MAGT1: variants seen among roughly 807,000 people sequenced by gnomAD.
The protein encoded by MAGT1 is dolichyl-diphosphooligosaccharide--protein glycosyltransferase subunit MAGT1.
Under a neutral mutation model 28.4 loss-of-function variants are expected in MAGT1, and 4 were observed. The ratio of observed to expected loss-of-function variants is 0.14; its 90% CI spans 0.07 to 0.32. MAGT1 has a LOEUF of 0.32. MAGT1 is among the 10% of genes least tolerant of loss of function. The pLI, the probability that MAGT1 is intolerant of heterozygous loss-of-function variation, is 1.00. For missense variants in MAGT1, 193 were observed against 264.5 expected (o/e 0.73, Z 1.88); for synonymous variants, 89 against 89.7 (o/e 0.99, Z 0.04).
chrX:77,863,755 C>T (rs1412629638), intron 3 of MAGT1, among the ~76,000 whole-genome samples: 6 of 112,104 alleles, frequency 5.4e-5, no homozygotes, highest in African/African-American at 1.9e-4. Context: ...CAGTGGCTTG[C>T]GCCTGTAATC....
In MAGT1 at chrX:77,836,045, C is replaced by T. The variant is rs60390833; in HGVS notation, c.902-5150G>A. ...CTAGAACTTTCTGACCTCAAATAAT[C>T]TGCCCCACTTGGTCTCCCAAAGTGC... is the stretch of plus-strand genomic sequence containing the variant. On this transcript the variant is annotated intron_variant, in intron 8 of 9. Transcript: ENST00000618282. 0.022 allele frequency among the ~76,000 whole-genome samples: 2,481 copies of T among 111,356 alleles called. 205 individuals carry two copies. The East Asian group carries it at 0.37, about 17-fold the overall frequency.
chrX:77,870,357 C>G (rs2149023546), intron 3 of MAGT1, among the ~76,000 whole-genome samples: 1 of 110,270 alleles, frequency 9.1e-6, no homozygotes, highest in South Asian at 3.9e-4. Context: ...CACTAAAGAA[C>G]TTATCCATGT....
At chrX:77,838,245 AG>A (rs1397889540) in intron 8 of MAGT1, among the ~76,000 whole-genome samples, 1 of 110,511 alleles carries the variant, frequency 9.0e-6, no homozygotes, top group African/African-American at 3.3e-5. Flanking sequence ...GCTTGAGCAC[AG>A]GAGATACAGA....
At chrX:77,856,100 A>G (rs2076980950) in intron 5 of MAGT1, among the ~76,000 whole-genome samples, 1 of 111,410 alleles carries the variant, frequency 9.0e-6, no homozygotes, top group South Asian at 3.7e-4. Flanking sequence ...ATAACTATGC[A>G]GACACAAGTT....
intron 3 of MAGT1, among the ~76,000 whole-genome samples, chrX:77,863,601 T>C (rs1312009864): frequency 2.7e-5 from 3 of 111,753 alleles, no homozygotes; most frequent in African/African-American, 6.5e-5. Context: ...CTACTGGGTA[T>C]GTATCCATAG....
At chrX:77,874,552 C>T (rs534831757) in intron 2 of MAGT1, among the ~76,000 whole-genome samples, 4 of 102,967 alleles carry the variant, frequency 3.9e-5, no homozygotes, top group African/African-American at 1.4e-4. Context: ...GTCAAGATCA[C>T]GCCACTGCAC....
At chrX:77,838,758 GAAA>G (rs571108381) in intron 8 of MAGT1, among the ~76,000 whole-genome samples, 1 of 67,773 alleles carries the variant, frequency 1.5e-5, no homozygotes, top group Non-Finnish European at 2.8e-5. Context: ...ACTCCGTCTC[GAAA>G]AAAAAAAAAA....
intron 4 of MAGT1, 129 bp downstream of exon 4, chrX:77,857,228 T>C (rs1015877255): frequency 9.0e-6 from 7 of 775,630 alleles, no homozygotes; most frequent in Non-Finnish European, 1.4e-5. Context: ...TTCTGTTTAA[T>C]GCTACTTATG....
intron 1 of MAGT1, among the ~76,000 whole-genome samples, chrX:77,886,410 T>G (rs1286033429): frequency 9.1e-6 from 1 of 110,218 alleles, no homozygotes; most frequent in Non-Finnish European, 1.9e-5. Flanking sequence ...GGAGGCCGCT[T>G]GAGCCCAGGA....
chrX:77,893,352 G>C (rs193043457), intron 1 of MAGT1, among the ~76,000 whole-genome samples: 22 of 111,687 alleles, frequency 2.0e-4, no homozygotes, highest in Non-Finnish European at 3.4e-4. Context: ...GTACATGCAT[G>C]AAAAGGGTGA....
intron 1 of MAGT1, among the ~76,000 whole-genome samples, chrX:77,880,923 A>T (rs2077050239): frequency 1.0e-5 from 1 of 97,170 alleles, no homozygotes; most frequent in Non-Finnish European, 2.0e-5. Context: ...GCACCACTGT[A>T]CTCCAGCCTG....
At position 77,856,575 on chromosome X, in the gene MAGT1, G is replaced by A. The variant is rs186093291; in HGVS notation, c.672+158C>T. 837 of 524,601 alleles carry A rather than the reference G, an allele frequency of 1.6e-3. 11 individuals are homozygous for A. In the East Asian group the frequency reaches 0.03, roughly 19 times the overall value. 43.2% of individuals were successfully genotyped at this position (524,601 alleles called of 1,213,427 possible). On this transcript the variant is annotated intron_variant, in intron 5 of 9. Transcript: ENST00000618282. ...TGGCCATCCTTATGAGATAATGAAT[G>A]AAACAAACTGATTTTAAGACAGAAA...
chrX:77,881,307 T>G, intron 1 of MAGT1, among the ~76,000 whole-genome samples: 1 of 110,708 alleles, frequency 9.0e-6, no homozygotes, highest in Non-Finnish European at 1.9e-5. Context: ...AGGGTACTTG[T>G]GCACAATGTG....
At chrX:77,848,479 A>G (rs972861021) in intron 7 of MAGT1, among the ~76,000 whole-genome samples, 2 of 111,650 alleles carry the variant, frequency 1.8e-5, no homozygotes, top group East Asian at 5.6e-4. Context: ...TTATATAAAC[A>G]TTAAAAATAT....
rs782345846 is a variant in MAGT1 at position 77,895,312 on chromosome X, C to T, written c.99G>A (p.Lys33=). The change falls in exon 1 of 10, where the codon AAG becomes AAA. Residue 33 remains lysine (K), a synonymous_variant. Coordinates refer to ENST00000618282, the MANE Select transcript of MAGT1 (RefSeq NM_001367916.1). ...DVPSASAQRK[K]EMVLSEKVSQ... ...CTGCTGGAAACCGCGTTCTCACCTC[C>T]TTCTTTCTTTGGGCAGAGGCTGAGG... The T allele has an allele frequency of 8.2e-6, 10 of 1,212,205 alleles. No individual in the cohort carries two copies. The Admixed American group carries it at 2.2e-4, about 26-fold the overall frequency.
intron 6 of MAGT1, among the ~76,000 whole-genome samples, chrX:77,854,442 G>T (rs1236483726): frequency 9.0e-6 from 1 of 110,816 alleles, no homozygotes; most frequent in Non-Finnish European, 1.9e-5. Flanking sequence ...CCTCCCAAAT[G>T]CTTGAATACT....
chrX:77,857,210 C>T (rs2076983483), intron 4 of MAGT1, 147 bp downstream of exon 4: 2 of 697,390 alleles, frequency 2.9e-6, no homozygotes, highest in African/African-American at 2.1e-5. Context: ...ACTCATTCAT[C>T]AAGATGATTC....
chrX:77,856,497 A>G, intron 5 of MAGT1: 2 of 337,716 alleles, frequency 5.9e-6, no homozygotes, highest in Non-Finnish European at 1.0e-5. Context: ...TAGAGATGAC[A>G]GTCTGTCATT....
At chrX:77,873,277 AG>A (rs1399958260) in intron 2 of MAGT1, among the ~76,000 whole-genome samples, 1 of 112,074 alleles carries the variant, frequency 8.9e-6, no homozygotes, top group Non-Finnish European at 1.9e-5. Context: ...GTTAAAGAAA[AG>A]TTATCAAGGC....
Sources: gnomAD v4.1 joint callset for allele counts (sites outside exome capture counted in the v4.1 genomes callset) on GRCh38, gnomAD v4.1.1 for gene constraint, MANE v1.5 for transcripts, NCBI Gene and HGNC (gene_info 2026-07-23, HGNC 2026-07-21) for gene names.